The following PLXND1 variants were observed in gnomAD, a reference collection of about 807,000 sequenced individuals.
The protein encoded by PLXND1 is plexin-D1.
A neutral mutation model predicts 197.7 loss-of-function variants in PLXND1; 54 were observed. The ratio of observed to expected loss-of-function variants is 0.27; its 90% CI spans 0.22 to 0.34. PLXND1 has a LOEUF of 0.34. Among genes scored for constraint, PLXND1 ranks in the 10% least tolerant of loss-of-function variants. The pLI, the probability that PLXND1 is intolerant of heterozygous loss-of-function variation, is 1.00. For synonymous variants in PLXND1, 1,180 were observed against 1,161.2 expected, an observed-to-expected ratio of 1.02 and a Z score of -0.33; for missense variants, 2,127 against 2,699.2, an observed-to-expected ratio of 0.79 and a Z score of 4.70.
Position 129,605,767 on chromosome 3 carries a change from C to G in PLXND1, c.873G>C (p.Pro291=), listed in dbSNP as rs2085781889. 2 of 1,568,322 alleles carry G rather than the reference C, an allele frequency of 1.3e-6. No homozygotes were observed. The highest frequency in any genetic ancestry group is 1.7e-6 in the Non-Finnish European group (2 of 1,158,080). Residue 291 remains proline, a synonymous_variant, in exon 1 of 36, where the codon CCG becomes CCC. Coordinates refer to ENST00000324093, the MANE Select transcript of PLXND1 (RefSeq NM_015103.3). ...CCAGGTACGCGTAGGACTGTGCACC[C>G]GGCGGCGGGTCGGACGGGTGCAGGA... ...SAFLHPSDPP[P]GAQSYAYLAL...
In PLXND1 at chr3:129,556,142, A is replaced by C. The variant is rs2084969574; in HGVS notation, c.*170T>G. On this transcript the variant is annotated 3_prime_UTR_variant, in exon 36 of 36. Transcript: ENST00000324093. ...GAGGGGATGGAGGTGCCCAGGGGTC[A>C]AGGCGGGGGCGCCCCTGTCTCAGAG... 4 of 613,578 alleles carry C rather than the reference A, an allele frequency of 6.5e-6. No homozygotes were observed. The highest frequency in any genetic ancestry group is 8.8e-6 in the Non-Finnish European group (3 of 342,246). The allele number at this position is 613,578 out of a possible 1,614,324, so 38.0% of individuals were successfully genotyped here. A position where few individuals can be genotyped will look rare whatever the true frequency, so the allele number is the denominator to read the frequency against.
intron 1 of PLXND1, 73 bp downstream of exon 1, chr3:129,605,256 T>C: frequency 1.8e-6 from 1 of 554,320 alleles, no homozygotes; most frequent in Non-Finnish European, 2.7e-6. Context: ...CACGACCCGC[T>C]CGGTTCCCGC....
At position 129,606,018 on chromosome 3, in the gene PLXND1, G is replaced by C; in HGVS notation, c.622C>G (p.Leu208Val). 2 of 1,604,992 alleles carry C rather than the reference G, an allele frequency of 1.2e-6. No individual in the cohort carries two copies. Among genetic ancestry groups the C allele is most frequent in the Non-Finnish European group, 1.7e-6 (2 of 1,177,888 alleles). The change falls in exon 1 of 36, where the codon CTC (leucine) becomes GTC (valine). Residue 208 changes from leucine to valine, a missense_variant. Around this residue, in one of 6 missense-constraint regions of PLXND1, gnomAD observed 1,095 missense variants for 1,259.8 expected, o/e 0.87. Coordinates refer to ENST00000324093, the MANE Select transcript of PLXND1 (RefSeq NM_015103.3). Reference protein sequence around the residue: ...PAAGAGGSRLLVGATYTGYGS... With the variant: ...PAAGAGGSRLVVGATYTGYGS... ...TAACCGGTGTACGTGGCGCCCACGA[G>C]CAGGCGGCTGCCCCCCGCGCCCGCG...
Position 129,605,357 on chromosome 3 carries a change from G to C in PLXND1, c.1283C>G (p.Pro428Arg). 6.8e-7 allele frequency: 1 copy of C among 1,468,728 alleles called. No homozygotes were observed. The allele number at this position is 1,468,728 out of a possible 1,614,324, so 91.0% of individuals were successfully genotyped here. A position where few individuals can be genotyped will look rare whatever the true frequency, so the allele number is the denominator to read the frequency against. Residue 428 changes from proline to arginine, a missense_variant, in exon 1 of 36, where the codon CCG becomes CGG. Pro to Arg is a moderately radical substitution (Grantham distance 103). Coordinates refer to ENST00000324093, the MANE Select transcript of PLXND1 (RefSeq NM_015103.3). The stretch of plus-strand genomic sequence containing the variant: ...GATGTTGAGCTTGCGCTCACAGGCC[G>C]GTCCCGTGCCCTGCACCACGCTGTC... ...VLDSVVQGTG[P>R]ACERKLNIQL...
intron 1 of PLXND1, among the ~76,000 whole-genome samples, chr3:129,597,756 T>C (rs1217483000): frequency 6.6e-6 from 1 of 152,208 alleles, no homozygotes; most frequent in Non-Finnish European, 1.5e-5. Context: ...GGTTCGGCCC[T>C]GGCTCAGACA....
chr3:129,562,596 G>A (rs1578308459), intron 27 of PLXND1, 191 bp downstream of exon 27: 5 of 505,544 alleles, frequency 9.9e-6, no homozygotes, highest in East Asian at 6.1e-5. Context: ...GCTGTTGTCC[G>A]TAGTTCACTC....
Position 129,562,783 on chromosome 3 carries a change from C to T in PLXND1, c.4825+4G>A, listed in dbSNP as rs1560060277. On this transcript the variant is annotated splice_donor_region_variant and intron_variant, in intron 27 of 35. Transcript: ENST00000324093. ...ACGGGGTCTCTGCCCCCATTCCCAC[C>T]CACCAAGGTCGACGTCCTCTGCACG... 6.3e-7 allele frequency: 1 copy of T among 1,588,254 alleles called. No homozygotes were observed. Among genetic ancestry groups the T allele is most frequent in the South Asian group, 1.1e-5 (1 of 90,032 alleles).
At chr3:129,570,014 GCTC>G in intron 19 of PLXND1, 57 bp from the exon 20 acceptor site, 1 of 973,144 alleles carries the variant, frequency 1.0e-6, no homozygotes, top group Admixed American at 1.7e-5. Flanking sequence ...CTCTAGTTCT[GCTC>G]CTCACTTGCT....
rs2084989224 is a variant in PLXND1, at chr3:129,557,321, A to T, written c.5446-98T>A. The T allele has an allele frequency of 7.2e-7, 1 of 1,394,388 alleles. No individual in the cohort carries two copies. Among genetic ancestry groups the T allele is most frequent in the East Asian group, 2.3e-5 (1 of 43,098 alleles). 86.4% of individuals were successfully genotyped at this position (1,394,388 alleles called of 1,614,324 possible). A position where few individuals can be genotyped will look rare whatever the true frequency, so the allele number is the denominator to read the frequency against. On this transcript the variant is annotated intron_variant, in intron 33 of 35. Transcript: ENST00000324093. The surrounding 1 kb of genome is among the most constrained non-coding windows in gnomAD (Gnocchi z 4.8). ...CCTCATCCCTCCTGCCACATAAGTG[A>T]CCTTAGCAGGCCCCCGAGGCCCAAA...
In PLXND1 at chr3:129,558,069, G is replaced by A. The variant is rs1477166147; in HGVS notation, c.5445+359C>T. Among the ~76,000 whole-genome samples, 1 of 152,174 alleles carries A rather than the reference G, an allele frequency of 6.6e-6. No individual in the cohort carries two copies. The highest frequency in any genetic ancestry group is 1.5e-5 in the Non-Finnish European group (1 of 68,042). On this transcript the variant is annotated intron_variant, in intron 33 of 35. Coordinates refer to ENST00000324093, the MANE Select transcript of PLXND1 (RefSeq NM_015103.3). The surrounding 1 kb of genome is among the most constrained non-coding windows in gnomAD (Gnocchi z 4.1). ...TGGCTTTTGACTTTCAGGGGCTACT[G>A]CCCAGAGCCTGGCCCGGTTTTCAGA...
intron 27 of PLXND1, 37 bp from the exon 28 acceptor site, chr3:129,561,940 G>A: frequency 6.7e-7 from 1 of 1,483,008 alleles, no homozygotes; most frequent in South Asian, 1.1e-5. Flanking sequence ...GGTCCGGGCA[G>A]GGAGCTGGGC....
In PLXND1 at chr3:129,555,274, C is replaced by T. The variant is rs891913156; in HGVS notation, c.*1038G>A. 2.3e-5 allele frequency: 11 copies of T among 485,286 alleles called. No individual in the cohort carries two copies. Among genetic ancestry groups the T allele is most frequent in the South Asian group, 3.4e-5 (1 of 29,290 alleles). 30.1% of individuals were successfully genotyped at this position (485,286 alleles called of 1,614,324 possible). On this transcript the variant is annotated 3_prime_UTR_variant, in exon 36 of 36. Coordinates refer to ENST00000324093, the MANE Select transcript of PLXND1 (RefSeq NM_015103.3). Reference sequence around the variant, plus strand: ...TTCCAGAGTCCCAGCTGCCCCCCTCCAGCCCCCATGGGCTCTGAGCCAGTC... The same window carrying T: ...TTCCAGAGTCCCAGCTGCCCCCCTCTAGCCCCCATGGGCTCTGAGCCAGTC...
chr3:129,574,089 T>C (rs1485136683), intron 12 of PLXND1, among the ~76,000 whole-genome samples: 1 of 152,206 alleles, frequency 6.6e-6, no homozygotes, highest in East Asian at 1.9e-4. Context: ...CAGCCCTCGG[T>C]GTCTCCTCCA....
intron 34 of PLXND1, 116 bp downstream of exon 34, chr3:129,556,967 C>T: frequency 1.7e-6 from 2 of 1,176,552 alleles, no homozygotes; most frequent in Non-Finnish European, 2.4e-6. Flanking sequence ...ACAGCCACTT[C>T]TGAAATGCCC....
At chr3:129,604,064 C>G (rs1421455738) in intron 1 of PLXND1, among the ~76,000 whole-genome samples, 2 of 152,170 alleles carry the variant, frequency 1.3e-5, no homozygotes, top group Non-Finnish European at 2.9e-5. Context: ...TTTCAGGGAA[C>G]CACACCAAGT....
At chr3:129,592,682 C>A (rs1322474979) in intron 1 of PLXND1, among the ~76,000 whole-genome samples, 1 of 151,792 alleles carries the variant, frequency 6.6e-6, no homozygotes, top group Non-Finnish European at 1.5e-5. Context: ...TTCTAAAAGG[C>A]CTTTCCCCCA....
rs1321682321 is a variant in PLXND1 at position 129,605,578 on chromosome 3, G to C, written c.1062C>G (p.Leu354=). 6.5e-7 allele frequency: 1 copy of C among 1,534,192 alleles called. No individual in the cohort carries two copies. The highest frequency in any genetic ancestry group is 1.4e-5 in the African/African-American group (1 of 71,732). The part of the protein sequence containing the change: ...QCAGGAGRGD[L]YSRLVSVFPA... Reference sequence around the variant, plus strand: ...GGAAGACCGACACCAGGCGGCTGTAGAGGTCGCCGCGGCCCGCGCCGCCCG... The same window carrying C: ...GGAAGACCGACACCAGGCGGCTGTACAGGTCGCCGCGGCCCGCGCCGCCCG... The change falls in exon 1 of 36, where the codon CTC becomes CTG. Residue 354 remains leucine (L), a synonymous_variant. Transcript: ENST00000324093.
Position 129,605,724 on chromosome 3 carries a change from G to A in PLXND1, c.916C>T (p.Arg306Cys). Residue 306 changes from arginine (R) to cysteine (C), a missense_variant, in exon 1 of 36, where the codon CGC (arginine) becomes TGC (cysteine). Coordinates refer to ENST00000324093, the MANE Select transcript of PLXND1 (RefSeq NM_015103.3). ...GCCTGGCTCTCCTTGTCGCCCGCGC[G>A]CGCCTCGCTGTTGAGCGCCAGGTAC... The part of the protein sequence containing the change: ...YAYLALNSEA[R>C]AGDKESQARS... 6.5e-7 allele frequency: 1 copy of A among 1,541,890 alleles called. No individual in the cohort carries two copies. The highest frequency in any genetic ancestry group is 1.4e-5 in the African/African-American group (1 of 72,696).
chr3:129,561,806 A>G lies in PLXND1; in HGVS notation c.4923T>C (p.His1641=). ...GCGGGGGGCAGGGCTGCACCTTGTA[A>G]TGGGCCAGCGTGTTAAGCTTCTTGC... ...DGRKKLNTLA[H]YKIPEGASLA... The change falls in exon 28 of 36, where the codon CAT becomes CAC. Residue 1641 remains histidine, a synonymous_variant. Transcript: ENST00000324093. The G allele has an allele frequency of 1.2e-6, 2 of 1,612,014 alleles. No homozygotes were observed. Among genetic ancestry groups the G allele is most frequent in the Non-Finnish European group, 1.7e-6 (2 of 1,178,428 alleles).
Sources: gnomAD v4.1 joint callset for allele counts (sites outside exome capture counted in the v4.1 genomes callset) on GRCh38, gnomAD v4.1.1 for gene constraint, gnomAD v4.1.1 regional missense constraint, Gnocchi (gnomAD v3.1) non-coding constraint, MANE v1.5 for transcripts, NCBI Gene and HGNC (gene_info 2026-07-23, HGNC 2026-07-21) for gene names.